TRIP12: variants seen among roughly 807,000 people sequenced by gnomAD.
TRIP12 encodes thyroid hormone receptor interactor 12, also known as E3 ubiquitin-protein ligase TRIP12.
Under a neutral mutation model 244.2 loss-of-function variants are expected in TRIP12, and 25 were observed. That is an observed-to-expected ratio of 0.10 (90% CI 0.07 to 0.14). The LOEUF (loss-of-function observed/expected upper bound fraction) is 0.14, where lower values mean the gene tolerates loss of function less well. Ranked by LOEUF, TRIP12 falls within the 10% of genes least tolerant of loss-of-function variation. The probability of loss-of-function intolerance (pLI) is 1.00; values close to 1 mark genes in which losing one functional copy is unlikely to be tolerated. For synonymous variants in TRIP12, 905 were observed against 873.1 expected (o/e 1.04, Z -0.64); for missense variants, 1,677 against 2,486.4 (o/e 0.67, Z 6.92).
intron 41 of TRIP12, 27 bp from the exon 42 acceptor site, chr2:229,767,777 G>A: frequency 6.3e-7 from 1 of 1,585,914 alleles, no homozygotes; most frequent in South Asian, 1.2e-5. Context: ...GAAAGACAAG[G>A]AACTTAAGTT....
At chr2:229,821,993 A>T (rs181573467) in intron 8 of TRIP12, among the ~76,000 whole-genome samples, 3 of 152,276 alleles carry the variant, frequency 2.0e-5, no homozygotes, top group Admixed American at 2.0e-4. Flanking sequence ...TACAAAAATT[A>T]GCCGGGCGCG....
chr2:229,909,786 C>A (rs1388243233), intron 1 of TRIP12, among the ~76,000 whole-genome samples: 1 of 151,974 alleles, frequency 6.6e-6, no homozygotes, highest in African/African-American at 2.4e-5. Flanking sequence ...CAAGGGCTTT[C>A]AAGGCTATGG....
At chr2:229,897,834 CTA>C (rs1275562119) in intron 1 of TRIP12, among the ~76,000 whole-genome samples, 2 of 152,224 alleles carry the variant, frequency 1.3e-5, no homozygotes, top group Non-Finnish European at 2.9e-5. Context: ...TCTCTCCCCC[CTA>C]TGTTCCCACA....
In TRIP12 at chr2:229,858,813, G is replaced by A; in HGVS notation, c.986C>T (p.Thr329Ile). ...LSLPGSSKSE[T>I]SKPGPSGLQA... ...TAATCCAGAAGGTCCAGGTTTTGAT[G>A]TCTCTGACTTAGAAGACCCTGGAAG... Residue 329 changes from threonine (T) to isoleucine (I), a missense_variant, in exon 4 of 42, where the codon ACA (threonine) becomes ATA (isoleucine). Thr to Ile is a moderately conservative substitution (Grantham distance 89, BLOSUM62 -1). Coordinates refer to ENST00000675903, the MANE Select transcript of TRIP12 (RefSeq NM_001348323.3). 1 of 1,606,962 alleles carries A rather than the reference G, an allele frequency of 6.2e-7. No homozygotes were observed. Among genetic ancestry groups the A allele is most frequent in the Non-Finnish European group, 8.5e-7 (1 of 1,174,126 alleles).
chr2:229,897,760 T>TA (rs755448186), intron 1 of TRIP12, among the ~76,000 whole-genome samples: 31 of 152,216 alleles, frequency 2.0e-4, no homozygotes, highest in Non-Finnish European at 2.8e-4. Flanking sequence ...TTTGCAAACT[T>TA]AGACATTTCG....
chr2:229,809,010 C>T (rs2046576621), intron 15 of TRIP12, among the ~76,000 whole-genome samples: 1 of 152,148 alleles, frequency 6.6e-6, no homozygotes, highest in Admixed American at 6.5e-5. Flanking sequence ...CAGTCTAAAC[C>T]TAAGGAAAGC....
chr2:229,796,880 C>G, intron 24 of TRIP12, 98 bp from the exon 25 acceptor site: 4 of 1,166,966 alleles, frequency 3.4e-6, no homozygotes, highest in Non-Finnish European at 3.5e-6. Flanking sequence ...ATATTCTCAA[C>G]GCCCTTAAAA....
chr2:229,800,577 TAAAC>T (rs1482218487), intron 21 of TRIP12, among the ~76,000 whole-genome samples: 12 of 152,194 alleles, frequency 7.9e-5, no homozygotes, highest in African/African-American at 2.9e-4. Flanking sequence ...AAAATGTAAT[TAAAC>T]AATTTTCATT....
chr2:229,906,303 CAAA>C (rs34519454), intron 1 of TRIP12, among the ~76,000 whole-genome samples: 2 of 98,958 alleles, frequency 2.0e-5, no homozygotes, highest in Non-Finnish European at 2.1e-5. Context: ...GAGACTGTCT[CAAA>C]AAAAAAAAAA....
At chr2:229,779,085 T>A in intron 34 of TRIP12, 95 bp from the exon 35 acceptor site, 1 of 972,340 alleles carries the variant, frequency 1.0e-6, no homozygotes, top group Non-Finnish European at 1.6e-6. Flanking sequence ...CAGCAACTGT[T>A]TACCAGGATG....
intron 2 of TRIP12, among the ~76,000 whole-genome samples, chr2:229,870,326 C>A (rs1033400279): frequency 6.6e-6 from 1 of 152,136 alleles, no homozygotes; most frequent in East Asian, 1.9e-4. Context: ...AGCCTTAAGG[C>A]ACAGGGAAAG....
At chr2:229,892,277 A>C (rs1477370248) in intron 1 of TRIP12, among the ~76,000 whole-genome samples, 1 of 152,240 alleles carries the variant, frequency 6.6e-6, no homozygotes, top group Non-Finnish European at 1.5e-5. Flanking sequence ...AGACATTTTA[A>C]GCTGAGACTC....
intron 16 of TRIP12, 104 bp from the exon 17 acceptor site, chr2:229,807,968 A>G: frequency 7.7e-7 from 1 of 1,302,758 alleles, no homozygotes; most frequent in African/African-American, 1.5e-5. Flanking sequence ...TTGTATTTAG[A>G]CCAATTTTTT....
At chr2:229,897,833 C>G (rs35311453) in intron 1 of TRIP12, among the ~76,000 whole-genome samples, 7 of 152,088 alleles carry the variant, frequency 4.6e-5, no homozygotes, top group Middle Eastern at 3.4e-3. Context: ...CTCTCTCCCC[C>G]CTATGTTCCC....
intron 13 of TRIP12, among the ~76,000 whole-genome samples, chr2:229,813,474 A>T (rs1377392913): frequency 6.6e-6 from 1 of 152,232 alleles, no homozygotes; most frequent in Non-Finnish European, 1.5e-5. Context: ...GATTTAAAAT[A>T]CTAATTGAAA....
At chr2:229,783,870 G>A (rs1006924937) in intron 34 of TRIP12, among the ~76,000 whole-genome samples, 5 of 151,598 alleles carry the variant, frequency 3.3e-5, no homozygotes, top group African/African-American at 4.8e-5. Context: ...CAGCACTTTG[G>A]GGGGCTGAGG....
chr2:229,803,711 A>G lies in TRIP12; in HGVS notation c.2880-22T>C, dbSNP rs748093272. On this transcript the variant is annotated intron_variant, in intron 19 of 41. Transcript: ENST00000675903. Reference sequence around the variant, plus strand: ...GTGACTAAAAAAAGAAAGCATTTGTATATAAAACTCTGCCTGAATTTGATG... The same window carrying G: ...GTGACTAAAAAAAGAAAGCATTTGTGTATAAAACTCTGCCTGAATTTGATG... 7 of 1,528,292 alleles carry G rather than the reference A, an allele frequency of 4.6e-6. No homozygotes were observed. The South Asian group carries it at 7.1e-5, about 16-fold the overall frequency. 94.7% of individuals were successfully genotyped at this position (1,528,292 alleles called of 1,614,324 possible). A position where few individuals can be genotyped will look rare whatever the true frequency, so the allele number is the denominator to read the frequency against.
chr2:229,830,920 T>A (rs1342390102), intron 6 of TRIP12, 81 bp from the exon 7 acceptor site: 5 of 1,236,502 alleles, frequency 4.0e-6, no homozygotes, highest in African/African-American at 1.5e-5. Flanking sequence ...AAACCAAAGT[T>A]TTGCGGACTA....
chr2:229,789,474 T>A, intron 31 of TRIP12, 137 bp downstream of exon 31: 1 of 931,938 alleles, frequency 1.1e-6, no homozygotes, highest in East Asian at 2.9e-5. Context: ...GGGGAGAAGT[T>A]TCCACTGATG....
Sources: allele counts gnomAD v4.1 joint callset (sites outside exome capture counted in the v4.1 genomes callset), GRCh38; gene constraint gnomAD v4.1.1; transcripts MANE v1.5; gene names NCBI Gene and HGNC (gene_info 2026-07-23, HGNC 2026-07-21).